WDR70: variants seen among roughly 807,000 people sequenced by gnomAD.
WDR70 encodes the protein WD repeat-containing protein 70.
WDR70 carries 53 observed loss-of-function variants against 88.6 expected under a neutral mutation model. That is an observed-to-expected ratio of 0.60 (90% CI 0.48 to 0.75). The LOEUF (loss-of-function observed/expected upper bound fraction) is 0.75. Ranked by LOEUF, WDR70 falls within the 30% of genes least tolerant of loss-of-function variation. The pLI, the probability that WDR70 is intolerant of heterozygous loss-of-function variation, is 0.00. For synonymous variants in WDR70, 280 were observed against 270.0 expected (o/e 1.04, Z -0.36); for missense variants, 610 against 823.2 (o/e 0.74, Z 3.17).
intron 17 of WDR70, among the ~76,000 whole-genome samples, chr5:37,743,840 C>T (rs1332703651): frequency 6.6e-6 from 1 of 152,226 alleles, no homozygotes; most frequent in East Asian, 1.9e-4. Context: ...GCCTTTTCTC[C>T]TGGTAGTTCT....
chr5:37,586,086 A>G (rs1452080274), intron 9 of WDR70, among the ~76,000 whole-genome samples: 1 of 152,082 alleles, frequency 6.6e-6, no homozygotes, highest in Non-Finnish European at 1.5e-5. Flanking sequence ...ACAACCCTTC[A>G]TATCATTTAG....
At chr5:37,603,647 C>G (rs1242614787) in intron 9 of WDR70, among the ~76,000 whole-genome samples, 1 of 152,146 alleles carries the variant, frequency 6.6e-6, no homozygotes, top group African/African-American at 2.4e-5. Flanking sequence ...CTTTGTCTTT[C>G]AATTAGAATT....
At chr5:37,666,775 A>G (rs1745854407) in intron 10 of WDR70, among the ~76,000 whole-genome samples, 1 of 152,176 alleles carries the variant, frequency 6.6e-6, no homozygotes, top group South Asian at 2.1e-4. Context: ...TTAAGTGTGC[A>G]GATCCTGGGA....
chr5:37,444,926 A>T (rs895299118), intron 7 of WDR70, among the ~76,000 whole-genome samples: 3 of 152,164 alleles, frequency 2.0e-5, no homozygotes, highest in Non-Finnish European at 4.4e-5. Flanking sequence ...TTGTACTCCT[A>T]TGAGAATCGA....
At chr5:37,556,513 A>G (rs553684479) in intron 9 of WDR70, among the ~76,000 whole-genome samples, 1 of 152,240 alleles carries the variant, frequency 6.6e-6, no homozygotes, top group Non-Finnish European at 1.5e-5. Flanking sequence ...ATTTTCTTTT[A>G]GAAGTCCTTG....
chr5:37,603,883 A>G (rs1357328629), intron 9 of WDR70, among the ~76,000 whole-genome samples: 2 of 152,222 alleles, frequency 1.3e-5, no homozygotes, highest in East Asian at 3.8e-4. Flanking sequence ...ATCAAATAAT[A>G]CTGTGCTATT....
chr5:37,431,232 A>G (rs890373688), intron 5 of WDR70, among the ~76,000 whole-genome samples: 2 of 152,180 alleles, frequency 1.3e-5, no homozygotes, highest in Non-Finnish European at 2.9e-5. Context: ...AAACCAGAAT[A>G]TCATCAGTGC....
At chr5:37,693,811 C>G (rs970283369) in intron 10 of WDR70, among the ~76,000 whole-genome samples, 2 of 152,194 alleles carry the variant, frequency 1.3e-5, no homozygotes, top group African/African-American at 4.8e-5. Flanking sequence ...GACTTCATGA[C>G]TAAAACACCA....
chr5:37,672,261 A>G (rs910638834), intron 10 of WDR70, among the ~76,000 whole-genome samples: 1 of 152,098 alleles, frequency 6.6e-6, no homozygotes, highest in Non-Finnish European at 1.5e-5. Context: ...AGCCTGAGAT[A>G]TGGCCTCGTG....
intron 10 of WDR70, among the ~76,000 whole-genome samples, chr5:37,635,898 G>A (rs1239603772): frequency 1.3e-5 from 2 of 152,086 alleles, no homozygotes; most frequent in Non-Finnish European, 2.9e-5. Context: ...GAATTTTCAC[G>A]AGATCTGATG....
chr5:37,443,157 G>A lies in WDR70; in HGVS notation c.553-82G>A. 4 of 1,454,164 alleles carry A rather than the reference G, an allele frequency of 2.8e-6. No individual in the cohort carries two copies. In the South Asian group the frequency reaches 5.5e-5, roughly 20 times the overall value. The allele number at this position is 1,454,164 out of a possible 1,614,324, so 90.1% of individuals were successfully genotyped here. A position where few individuals can be genotyped will look rare whatever the true frequency, so the allele number is the denominator to read the frequency against. Reference sequence around the variant, plus strand: ...CCAAGTCCTATAACATAGGGGGTGGGATTAAAGAACAGAAATGGGAGGTTA... The same window carrying A: ...CCAAGTCCTATAACATAGGGGGTGGAATTAAAGAACAGAAATGGGAGGTTA... On this transcript the variant is annotated intron_variant, in intron 6 of 17. Coordinates refer to ENST00000265107, the MANE Select transcript of WDR70 (RefSeq NM_018034.4).
intron 7 of WDR70, among the ~76,000 whole-genome samples, chr5:37,452,869 C>T (rs1402779343): frequency 6.6e-6 from 1 of 152,082 alleles, no homozygotes; most frequent in African/African-American, 2.4e-5. Flanking sequence ...AAGAACGCCC[C>T]CATAGCTATT....
intron 10 of WDR70, among the ~76,000 whole-genome samples, chr5:37,617,713 A>G (rs1448799580): frequency 1.3e-5 from 2 of 152,192 alleles, no homozygotes; most frequent in African/African-American, 4.8e-5. Context: ...TATTTGTTGA[A>G]TTAAATCTCA....
intron 9 of WDR70, among the ~76,000 whole-genome samples, chr5:37,533,785 G>A (rs905120231): frequency 6.6e-6 from 1 of 152,052 alleles, no homozygotes; most frequent in African/African-American, 2.4e-5. Flanking sequence ...AGGGAAGTGG[G>A]GGAAAGCCTG....
At chr5:37,658,526 G>C (rs1745617669) in intron 10 of WDR70, among the ~76,000 whole-genome samples, 1 of 152,024 alleles carries the variant, frequency 6.6e-6, no homozygotes, top group Admixed American at 6.5e-5. Flanking sequence ...CAACCTTCTA[G>C]TTATCTTTCA....
chr5:37,619,799 A>G (rs1297517405), intron 10 of WDR70, among the ~76,000 whole-genome samples: 2 of 151,650 alleles, frequency 1.3e-5, no homozygotes, highest in Non-Finnish European at 2.9e-5. Flanking sequence ...ACAGTAATTT[A>G]TCAAATTTCT....
At chr5:37,464,053 T>C (rs1039383355) in intron 7 of WDR70, among the ~76,000 whole-genome samples, 1 of 152,230 alleles carries the variant, frequency 6.6e-6, no homozygotes, top group Non-Finnish European at 1.5e-5. Flanking sequence ...TGGTTATTAG[T>C]TTGCCAGAGA....
chr5:37,519,684 T>C (rs958678718), intron 9 of WDR70, among the ~76,000 whole-genome samples: 1 of 124,710 alleles, frequency 8.0e-6, no homozygotes, highest in African/African-American at 3.0e-5. Context: ...TCCCAGACGA[T>C]GGGCGGCCGG....
chr5:37,526,569 C>G (rs540997054), intron 9 of WDR70, among the ~76,000 whole-genome samples: 23 of 152,188 alleles, frequency 1.5e-4, no homozygotes, highest in African/African-American at 3.4e-4. Flanking sequence ...TTGAAAACTG[C>G]CACAAGACAG....
Sources: gnomAD v4.1 joint callset for allele counts (sites outside exome capture counted in the v4.1 genomes callset) on GRCh38, gnomAD v4.1.1 for gene constraint, MANE v1.5 for transcripts, NCBI Gene and HGNC (gene_info 2026-07-23, HGNC 2026-07-21) for gene names.